The following KDM4A variants were observed in gnomAD, a reference collection of about 807,000 sequenced individuals.
KDM4A encodes lysine-specific demethylase 4A.
KDM4A carries 23 observed loss-of-function variants against 127.1 expected under a neutral mutation model. The observed-to-expected ratio is 0.18, with a 90% CI of 0.13 to 0.26. The LOEUF (loss-of-function observed/expected upper bound fraction) is 0.26. Among genes scored for constraint, KDM4A ranks in the 10% least tolerant of loss-of-function variants. The pLI is 1.00. For synonymous variants in KDM4A, 443 were observed against 466.5 expected (o/e 0.95, Z 0.65); for missense variants, 890 against 1,329.1 (o/e 0.67, Z 5.14).
At chr1:43,668,696 T>C (rs560001899) in intron 9 of KDM4A, among the ~76,000 whole-genome samples, 68 of 152,284 alleles carry the variant, frequency 4.5e-4, no homozygotes, top group East Asian at 3.3e-3. Flanking sequence ...CTCAAGGGCA[T>C]TGGTAATGTC....
chr1:43,654,891 AC>A (rs1660204746), intron 2 of KDM4A, among the ~76,000 whole-genome samples: 1 of 150,832 alleles, frequency 6.6e-6, no homozygotes, highest in African/African-American at 2.4e-5. Flanking sequence ...CGCTCTTGTT[AC>A]CCCAGCTGGA....
At chr1:43,677,693 G>C (rs573369382) in intron 11 of KDM4A, among the ~76,000 whole-genome samples, 3 of 152,294 alleles carry the variant, frequency 2.0e-5, no homozygotes, top group African/African-American at 7.2e-5. Flanking sequence ...TCTGGAGGCA[G>C]TATAAAGATT....
chr1:43,660,012 T>G (rs944186562), intron 3 of KDM4A, among the ~76,000 whole-genome samples: 1 of 152,102 alleles, frequency 6.6e-6, no homozygotes, highest in Non-Finnish European at 1.5e-5. Context: ...TCTAGCAAGG[T>G]GTAGTTTAAG....
At chr1:43,696,732 G>C (rs1393444619) in intron 18 of KDM4A, among the ~76,000 whole-genome samples, 3 of 152,146 alleles carry the variant, frequency 2.0e-5, no homozygotes, top group African/African-American at 7.2e-5. Context: ...TAGTTATTTT[G>C]TGATAATCAT....
chr1:43,676,283 G>A (rs2154047681), intron 11 of KDM4A, among the ~76,000 whole-genome samples: 1 of 152,202 alleles, frequency 6.6e-6, no homozygotes, highest in East Asian at 1.9e-4. Context: ...GAATGACACA[G>A]TATCTTAGAA....
chr1:43,683,923 C>A, intron 12 of KDM4A, 119 bp downstream of exon 12: 1 of 1,088,392 alleles, frequency 9.2e-7, no homozygotes, highest in South Asian at 1.6e-5. Context: ...AGCTGCTCTT[C>A]CAGATATTCC....
At position 43,695,823 on chromosome 1, in the gene KDM4A, G is replaced by A. The variant is rs1020411738; in HGVS notation, c.2670+929G>A. On this transcript the variant is annotated intron_variant, in intron 18 of 21. Coordinates refer to ENST00000372396, the MANE Select transcript of KDM4A (RefSeq NM_014663.3). Reference sequence around the variant, plus strand: ...GAACTGATAGGGTTTATTGACCCTCGTGGGTTGAGGAGAGAAGGGGAGAGG... The same window carrying A: ...GAACTGATAGGGTTTATTGACCCTCATGGGTTGAGGAGAGAAGGGGAGAGG... Among the ~76,000 whole-genome samples the A allele has an allele frequency of 3.3e-5, 5 of 152,198 alleles. No homozygotes were observed. In the East Asian group the frequency reaches 5.8e-4, roughly 18 times the overall value.
At chr1:43,697,488 T>C (rs1167619688) in intron 18 of KDM4A, among the ~76,000 whole-genome samples, 1 of 152,210 alleles carries the variant, frequency 6.6e-6, no homozygotes, top group Middle Eastern at 3.2e-3. Context: ...AGGGCACCTA[T>C]TGAGTCTCTC....
At chr1:43,655,819 A>C in intron 3 of KDM4A, 53 bp downstream of exon 3, 24 of 1,467,050 alleles carry the variant, frequency 1.6e-5, no homozygotes, top group East Asian at 2.3e-5. Flanking sequence ...CTGGTGTCTC[A>C]TCCTCCTAGC....
chr1:43,698,003 AG>A lies in KDM4A; in HGVS notation c.2833del (p.Asp945ThrfsTer2). The A allele has an allele frequency of 6.2e-7, 1 of 1,612,804 alleles. No individual in the cohort carries two copies. The highest frequency in any genetic ancestry group is 8.5e-7 in the Non-Finnish European group (1 of 1,179,772). On this transcript the variant is annotated frameshift_variant, in exon 19 of 22. Transcript: ENST00000372396. LOFTEE classifies it high-confidence loss of function. The part of the protein sequence containing the change: ...DGSFSDNLYP[E>X]DIVSQDCLQF... ...TCCTTCAGCGACAATCTTTATCCTG[AG>A]GACATAGTGGTAATATCTGCAAGGA... is the stretch of plus-strand genomic sequence containing the variant.
At chr1:43,656,758 G>T (rs952425052) in intron 3 of KDM4A, among the ~76,000 whole-genome samples, 2 of 144,404 alleles carry the variant, frequency 1.4e-5, no homozygotes, top group Non-Finnish European at 3.0e-5. Flanking sequence ...GTGGAGTCTC[G>T]CTCGTTCCCC....
chr1:43,672,811 C>A (rs995568869), intron 11 of KDM4A, among the ~76,000 whole-genome samples: 6 of 152,282 alleles, frequency 3.9e-5, no homozygotes, highest in African/African-American at 1.4e-4. Context: ...CTGGGGTAGG[C>A]AGGAACTCTT....
chr1:43,672,582 C>A (rs965277499), intron 11 of KDM4A, among the ~76,000 whole-genome samples: 1 of 151,792 alleles, frequency 6.6e-6, no homozygotes, highest in Non-Finnish European at 1.5e-5. Context: ...GCAAGCTCCG[C>A]CTCCTGGGTT....
chr1:43,674,735 G>A (rs949917496), intron 11 of KDM4A, among the ~76,000 whole-genome samples: 2 of 151,938 alleles, frequency 1.3e-5, no homozygotes, highest in Admixed American at 1.3e-4. Flanking sequence ...GGCCAGGCTG[G>A]TCTGTAACTC....
In KDM4A at chr1:43,653,246, TC is replaced by T. The variant is rs1405328539; in HGVS notation, c.73del (p.Arg25GlufsTer20). ...IMTFYPTMEE[F>X]RNFSRYIAYI... ...ACCTTTTATCCAACTATGGAAGAGT[TC>T]CGAAACTTCAGTAGATACATTGCCT... On this transcript the variant is annotated frameshift_variant, in exon 2 of 22. Coordinates refer to ENST00000372396, the MANE Select transcript of KDM4A (RefSeq NM_014663.3). LOFTEE classifies it high-confidence loss of function. The T allele has an allele frequency of 6.2e-7, 1 of 1,614,078 alleles. No individual in the cohort carries two copies. Among genetic ancestry groups the T allele is most frequent in the Admixed American group, 1.7e-5 (1 of 59,992 alleles).
chr1:43,699,291 C>G (rs1027239114), intron 19 of KDM4A, among the ~76,000 whole-genome samples: 2 of 152,040 alleles, frequency 1.3e-5, no homozygotes, highest in Non-Finnish European at 2.9e-5. Context: ...TAACAACGGT[C>G]TTGCTTTGTT....
chr1:43,658,996 AAGAGTAT>A (rs1345890025), intron 3 of KDM4A, among the ~76,000 whole-genome samples: 2 of 152,024 alleles, frequency 1.3e-5, no homozygotes, highest in Non-Finnish European at 2.9e-5. Flanking sequence ...TATTAAGCTA[AAGAGTAT>A]AGATATTTTT....
intron 15 of KDM4A, 104 bp from the exon 16 acceptor site, chr1:43,692,152 C>A: frequency 9.8e-7 from 1 of 1,018,106 alleles, no homozygotes; most frequent in Non-Finnish European, 1.6e-6. Context: ...TATTATGCTT[C>A]TTTCTTATGT....
chr1:43,691,708 T>C (rs1390446896), intron 15 of KDM4A, 136 bp downstream of exon 15: 3 of 741,554 alleles, frequency 4.0e-6, no homozygotes, highest in Non-Finnish European at 4.7e-6. Context: ...AGAGCGAGTA[T>C]TGTGAGAGTA....
Sources: gnomAD v4.1 joint callset for allele counts (sites outside exome capture counted in the v4.1 genomes callset) on GRCh38, gnomAD v4.1.1 for gene constraint, MANE v1.5 for transcripts, NCBI Gene and HGNC (gene_info 2026-07-23, HGNC 2026-07-21) for gene names.